PCSK5: variants seen among roughly 807,000 people sequenced by gnomAD.
PCSK5 encodes the protein prohormone convertase 5.
Under a neutral mutation model 233.2 loss-of-function variants are expected in PCSK5, and 129 were observed. That is an observed-to-expected ratio of 0.55 (90% confidence interval 0.48 to 0.64). The LOEUF is 0.64. Ranked by LOEUF, PCSK5 falls within the 30% of genes least tolerant of loss-of-function variation. The probability of loss-of-function intolerance (pLI) is 0.00; values close to 1 mark genes in which losing one functional copy is unlikely to be tolerated. For synonymous variants in PCSK5, 825 were observed against 879.2 expected (o/e 0.94, Z 1.09); for missense variants, 2,076 against 2,430.1 (o/e 0.85, Z 3.06).
intron 2 of PCSK5, among the ~76,000 whole-genome samples, chr9:75,965,499 A>G (rs1045475040): frequency 1.3e-5 from 2 of 152,158 alleles, no homozygotes; most frequent in African/African-American, 4.8e-5. Flanking sequence ...GCCCCAGCTC[A>G]TGCAGGCACG....
At chr9:76,255,171 C>T (rs749416969) in intron 24 of PCSK5, among the ~76,000 whole-genome samples, 2 of 152,000 alleles carry the variant, frequency 1.3e-5, no homozygotes, top group Non-Finnish European at 2.9e-5. Context: ...CCTGTAGTCC[C>T]AGCTACTAGG....
chr9:76,268,242 G>A (rs1416989564), intron 24 of PCSK5, among the ~76,000 whole-genome samples: 3 of 152,184 alleles, frequency 2.0e-5, no homozygotes, highest in Non-Finnish European at 2.9e-5. Flanking sequence ...GGAGCAGAAT[G>A]ATCTGAGAGG....
intron 12 of PCSK5, among the ~76,000 whole-genome samples, chr9:76,159,439 G>C (rs796498342): frequency 2.0e-5 from 3 of 152,310 alleles, no homozygotes; most frequent in African/African-American, 7.2e-5. Context: ...CAAAAGAATT[G>C]CAGAGCACTA....
intron 2 of PCSK5, among the ~76,000 whole-genome samples, chr9:75,941,118 A>C (rs1371026174): frequency 6.6e-6 from 1 of 152,196 alleles, no homozygotes; most frequent in Non-Finnish European, 1.5e-5. Flanking sequence ...CCTCTCTCCC[A>C]GCCTGCCCTC....
intron 8 of PCSK5, among the ~76,000 whole-genome samples, chr9:76,105,404 T>C (rs559380158): frequency 3.9e-5 from 6 of 152,126 alleles, no homozygotes; most frequent in Non-Finnish European, 8.8e-5. Flanking sequence ...AACTGTTCAG[T>C]GGTTACAGAG....
chr9:75,938,114 C>G (rs1824141914), intron 2 of PCSK5, among the ~76,000 whole-genome samples: 1 of 152,168 alleles, frequency 6.6e-6, no homozygotes, highest in Non-Finnish European at 1.5e-5. Context: ...GCTCAAGAGG[C>G]CTGGGTTTCT....
chr9:76,021,702 A>C (rs1206381614), intron 3 of PCSK5, among the ~76,000 whole-genome samples: 1 of 152,196 alleles, frequency 6.6e-6, no homozygotes, highest in Non-Finnish European at 1.5e-5. Flanking sequence ...ACACTCAACA[A>C]AAGGCAGTCT....
At chr9:76,343,500 G>C (rs1352494664) in intron 35 of PCSK5, among the ~76,000 whole-genome samples, 3 of 151,962 alleles carry the variant, frequency 2.0e-5, no homozygotes, top group Non-Finnish European at 2.9e-5. Context: ...ACCAGGCCTG[G>C]CCAGGATAGA....
chr9:76,302,883 G>T (rs538340018), intron 28 of PCSK5, among the ~76,000 whole-genome samples: 1 of 150,384 alleles, frequency 6.6e-6, no homozygotes, highest in East Asian at 2.0e-4. Context: ...TACAATAAAT[G>T]AACCCCTTGC....
At chr9:76,048,403 G>C (rs1266312151) in intron 5 of PCSK5, among the ~76,000 whole-genome samples, 4 of 152,204 alleles carry the variant, frequency 2.6e-5, no homozygotes, top group African/African-American at 9.6e-5. Flanking sequence ...CCCTGATCCA[G>C]ATAGCTTAAA....
Position 75,964,522 on chromosome 9 carries a change from C to T in PCSK5, c.298-21610C>T, listed in dbSNP as rs144897342. Reference sequence around the variant, plus strand: ...ACAGTTGAAAAAAACATGCCAACAACGCAGTGAGTTATGGGGCAGCTAGCA... The same window carrying T: ...ACAGTTGAAAAAAACATGCCAACAATGCAGTGAGTTATGGGGCAGCTAGCA... On this transcript the variant is annotated intron_variant, in intron 2 of 37. Transcript: ENST00000674117. Among the ~76,000 whole-genome samples the T allele has an allele frequency of 3.9e-3, 598 of 152,276 alleles. 3 individuals are homozygous for T. The highest frequency in any genetic ancestry group is 0.014 in the African/African-American group (565 of 41,554).
At chr9:75,965,460 A>G (rs1287529552) in intron 2 of PCSK5, among the ~76,000 whole-genome samples, 6 of 152,152 alleles carry the variant, frequency 3.9e-5, no homozygotes, top group South Asian at 2.1e-4. Flanking sequence ...CCACTGATGG[A>G]AATCCCAGCC....
chr9:76,061,983 T>C (rs1034880779), intron 5 of PCSK5, among the ~76,000 whole-genome samples: 4 of 152,190 alleles, frequency 2.6e-5, no homozygotes, highest in African/African-American at 9.6e-5. Context: ...AAATTAAAGA[T>C]AGTCTGTAAT....
chr9:75,992,073 G>A (rs1826790592), intron 3 of PCSK5, among the ~76,000 whole-genome samples: 1 of 152,118 alleles, frequency 6.6e-6, no homozygotes. Flanking sequence ...TCTGATCTGG[G>A]AGACAGAGCA....
chr9:76,194,720 A>ATCTT, intron 20 of PCSK5: 1 of 459,694 alleles, frequency 2.2e-6, no homozygotes. Flanking sequence ...AAACGATGAA[A>ATCTT]TCTTATAGAT....
chr9:75,994,400 C>CTTTTTTTTTTTTTTTTTTTTTTTTTTTTT (rs550518074), intron 3 of PCSK5, among the ~76,000 whole-genome samples: 4 of 82,064 alleles, frequency 4.9e-5, no homozygotes, highest in Non-Finnish European at 6.4e-5. Flanking sequence ...TTCTTTCTTT[C>CTTTTTTTTTTTTTTTTTTTTTTTTTTTTT]TTTTTTTTTT....
chr9:76,135,026 C>G (rs1822912274), intron 10 of PCSK5, among the ~76,000 whole-genome samples: 1 of 151,788 alleles, frequency 6.6e-6, no homozygotes, highest in African/African-American at 2.4e-5. Context: ...AAACATATTC[C>G]CAAATAATCT....
intron 34 of PCSK5, among the ~76,000 whole-genome samples, chr9:76,336,374 G>A (rs1213650224): frequency 6.6e-6 from 1 of 152,124 alleles, no homozygotes. Context: ...TGAACCTTTA[G>A]GTTTCTAGGA....
rs537722629 is a variant in PCSK5 at position 76,136,843 on chromosome 9, T to C, written c.1312+2631T>C. Among the ~76,000 whole-genome samples the C allele has an allele frequency of 4.6e-5, 7 of 152,168 alleles. No homozygotes were observed. In the South Asian group the frequency reaches 1.5e-3, roughly 32 times the overall value. On this transcript the variant is annotated intron_variant, in intron 10 of 37. Transcript: ENST00000674117. ...TCTCATCACGTAAAGCAGAAGCCAC[T>C]TAGAGTAGCAAACAACTCAGTTTTG...
Sources: allele counts gnomAD v4.1 joint callset (sites outside exome capture counted in the v4.1 genomes callset), GRCh38; gene constraint gnomAD v4.1.1; transcripts MANE v1.5; gene names NCBI Gene and HGNC (gene_info 2026-07-23, HGNC 2026-07-21).